VAV3: variants seen among roughly 807,000 people sequenced by gnomAD.
The protein encoded by VAV3 is guanine nucleotide exchange factor VAV3.
In VAV3, 94 loss-of-function variants were observed where a neutral mutation model predicts 131.2. That is an observed-to-expected ratio of 0.72 (90% CI 0.61 to 0.85). The LOEUF is 0.85. VAV3 is among the 40% of genes least tolerant of loss of function. VAV3 has a pLI of 0.00. For missense variants in VAV3, 939 were observed against 1,002.7 expected, an observed-to-expected ratio of 0.94 and a Z score of 0.86; for synonymous variants, 349 against 342.0, an observed-to-expected ratio of 1.02 and a Z score of -0.22.
rs1278174516 is a variant in VAV3 at position 107,694,011 on chromosome 1, T to A, written c.1706-5605A>T. 7.2e-5 allele frequency among the ~76,000 whole-genome samples: 11 copies of A among 152,262 alleles called. No individual in the cohort carries two copies. In the South Asian group the frequency reaches 2.3e-3, roughly 32 times the overall value. On this transcript the variant is annotated intron_variant, in intron 17 of 26. Coordinates refer to ENST00000370056, the MANE Select transcript of VAV3 (RefSeq NM_006113.5). ...TGGCAAAGTCACAAGATCAAACTGATCTGGGTTCCCTGATTAGAAGGGAGC... is the reference window on the plus strand; with the variant it reads ...TGGCAAAGTCACAAGATCAAACTGAACTGGGTTCCCTGATTAGAAGGGAGC...
chr1:107,954,766 GGA>G (rs1674723893), intron 1 of VAV3, among the ~76,000 whole-genome samples: 1 of 150,832 alleles, frequency 6.6e-6, no homozygotes, highest in African/African-American at 2.5e-5. Context: ...AAATACCATG[GGA>G]GGGGGGGAAA....
At chr1:107,729,463 A>C (rs759905605) in intron 15 of VAV3, among the ~76,000 whole-genome samples, 10 of 150,330 alleles carry the variant, frequency 6.7e-5, no homozygotes, top group Non-Finnish European at 1.2e-4. Context: ...ACCTGAGTTT[A>C]AAAAAAAACA....
chr1:107,870,056 T>C (rs1224055916), intron 2 of VAV3, among the ~76,000 whole-genome samples: 2 of 152,196 alleles, frequency 1.3e-5, no homozygotes, highest in African/African-American at 4.8e-5. Context: ...TTTGGGCTGA[T>C]TCCACATTTT....
intron 19 of VAV3, among the ~76,000 whole-genome samples, chr1:107,646,698 G>T (rs1195493738): frequency 1.3e-5 from 2 of 151,926 alleles, no homozygotes; most frequent in Non-Finnish European, 2.9e-5. Flanking sequence ...TAGTAATTGT[G>T]CTTGGTCTTA....
intron 1 of VAV3, among the ~76,000 whole-genome samples, chr1:107,902,213 G>C (rs560540855): frequency 3.3e-4 from 51 of 152,340 alleles, no homozygotes; most frequent in African/African-American, 1.2e-3. Context: ...CAGGAGGCTA[G>C]ACCAAGGGTC....
At chr1:107,605,591 A>AAAAT (rs1224794389) in intron 22 of VAV3, among the ~76,000 whole-genome samples, 1 of 152,222 alleles carries the variant, frequency 6.6e-6, no homozygotes, top group Non-Finnish European at 1.5e-5. Flanking sequence ...CTCTAATCTT[A>AAAAT]AAATCTGAAA....
chr1:107,816,441 T>C (rs1667564904), intron 2 of VAV3, among the ~76,000 whole-genome samples: 1 of 152,216 alleles, frequency 6.6e-6, no homozygotes, highest in African/African-American at 2.4e-5. Context: ...GATTTCTTAA[T>C]TGATTAATAC....
chr1:107,844,742 C>T lies in VAV3; in HGVS notation c.321+30159G>A, dbSNP rs550975937. The stretch of plus-strand genomic sequence containing the variant: ...GCTCAGCAAAGCCCCTGTAACCACA[C>T]TTCCTCTCTAGATTCCTCCTGTCTG... On this transcript the variant is annotated intron_variant, in intron 2 of 26. Transcript: ENST00000370056. 5.6e-4 allele frequency among the ~76,000 whole-genome samples: 86 copies of T among 152,326 alleles called. 1 individual carries two copies. Among genetic ancestry groups the T allele is most frequent in the African/African-American group, 1.9e-3 (77 of 41,570 alleles).
intron 2 of VAV3, chr1:107,862,694 A>C (rs892315659): frequency 6.6e-6 from 1 of 151,648 alleles, no homozygotes; most frequent in Admixed American, 6.6e-5. Flanking sequence ...CCTTAAGCCA[A>C]TGTGACAAGG....
chr1:107,796,800 A>ATATATAT (rs1553210372), intron 2 of VAV3, among the ~76,000 whole-genome samples: 30 of 82,930 alleles, frequency 3.6e-4, no homozygotes, highest in African/African-American at 1.1e-3. Context: ...TAAAAAAAAA[A>ATATATAT]AAAAATATAT....
At chr1:107,896,520 T>G (rs942037002) in intron 1 of VAV3, among the ~76,000 whole-genome samples, 2 of 152,212 alleles carry the variant, frequency 1.3e-5, no homozygotes, top group Non-Finnish European at 2.9e-5. Flanking sequence ...CTTTAAGGTA[T>G]TTACTCACAA....
In VAV3 at chr1:107,964,944, C is replaced by A; in HGVS notation, c.-75G>T. 1 of 1,176,130 alleles carries A rather than the reference C, an allele frequency of 8.5e-7. No individual in the cohort carries two copies. Among genetic ancestry groups the A allele is most frequent in the South Asian group, 4.2e-5 (1 of 23,848 alleles). The allele number at this position is 1,176,130 out of a possible 1,614,324, so 72.9% of individuals were successfully genotyped here. A position where few individuals can be genotyped will look rare whatever the true frequency, so the allele number is the denominator to read the frequency against. ...GGCCGCCGCCGCCGCCGCCGCGGTT[C>A]CTCCGCGCCCCGCCGACGCCAACAG... On this transcript the variant is annotated 5_prime_UTR_variant, in exon 1 of 27. Coordinates refer to ENST00000370056, the MANE Select transcript of VAV3 (RefSeq NM_006113.5).
chr1:107,732,166 T>G (rs1036907552), intron 15 of VAV3, among the ~76,000 whole-genome samples: 7 of 152,194 alleles, frequency 4.6e-5, no homozygotes, highest in African/African-American at 1.7e-4. Flanking sequence ...TATAATCTGT[T>G]TCATATACCT....
Position 107,749,446 on chromosome 1 carries a change from G to A in VAV3, c.1392+16C>T. On this transcript the variant is annotated intron_variant, in intron 14 of 26. Coordinates refer to ENST00000370056, the MANE Select transcript of VAV3 (RefSeq NM_006113.5). ...GATTATAAGTAAATTACAGTTATTA[G>A]TTTCCAAAAAGTCACCTTTTTGTTT... 1.9e-6 allele frequency: 3 copies of A among 1,584,174 alleles called. No homozygotes were observed. Among genetic ancestry groups the A allele is most frequent in the Non-Finnish European group, 2.6e-6 (3 of 1,171,682 alleles).
intron 2 of VAV3, among the ~76,000 whole-genome samples, chr1:107,872,692 G>A (rs345317): frequency 0.058 from 8,765 of 152,154 alleles, 772 homozygotes; most frequent in African/African-American, 0.2. Context: ...CAAAGTACAC[G>A]TTATGTGCTA....
At chr1:107,593,553 C>T (rs1374790896) in intron 25 of VAV3, among the ~76,000 whole-genome samples, 2 of 151,992 alleles carry the variant, frequency 1.3e-5, no homozygotes, top group East Asian at 3.9e-4. Context: ...GGTAATAATG[C>T]TTGGCAAATG....
chr1:107,756,913 TATG>T (rs1490431266), intron 11 of VAV3, among the ~76,000 whole-genome samples: 1 of 152,024 alleles, frequency 6.6e-6, no homozygotes, highest in South Asian at 2.1e-4. Context: ...GGGAAAAAAA[TATG>T]ATATTAAATA....
chr1:107,691,550 T>C (rs1035229523), intron 17 of VAV3, among the ~76,000 whole-genome samples: 2 of 152,174 alleles, frequency 1.3e-5, no homozygotes, highest in African/African-American at 2.4e-5. Flanking sequence ...TCTTTCTGTA[T>C]CTCTCTTTTT....
At chr1:107,684,103 T>A (rs909096607) in intron 18 of VAV3, among the ~76,000 whole-genome samples, 1 of 152,210 alleles carries the variant, frequency 6.6e-6, no homozygotes, top group Non-Finnish European at 1.5e-5. Context: ...TTGTGAATCA[T>A]AAAAATGAAT....
Sources: allele counts gnomAD v4.1 joint callset (sites outside exome capture counted in the v4.1 genomes callset), GRCh38; gene constraint gnomAD v4.1.1; transcripts MANE v1.5; gene names NCBI Gene and HGNC (gene_info 2026-07-23, HGNC 2026-07-21).